Variants in CD226 observed in about 807,000 individuals in gnomAD.
CD226 encodes the protein CD226 antigen.
Under a neutral mutation model 34.9 loss-of-function variants are expected in CD226, and 24 were observed. The observed-to-expected ratio is 0.69, with a 90% confidence interval of 0.50 to 0.97. The LOEUF (loss-of-function observed/expected upper bound fraction) is 0.97, where lower values mean the gene tolerates loss of function less well. CD226 is among the 50% of genes least tolerant of loss of function. The pLI is 0.00. For synonymous variants in CD226, 148 were observed against 147.4 expected (o/e 1.00, Z -0.03); for missense variants, 397 against 412.7 (o/e 0.96, Z 0.33).
intron 2 of CD226, among the ~76,000 whole-genome samples, chr18:69,911,765 G>C (rs983320510): frequency 2.0e-5 from 3 of 151,912 alleles, no homozygotes; most frequent in African/African-American, 7.3e-5. Flanking sequence ...TAAATACTTT[G>C]GTATACATTT....
At position 69,947,045 on chromosome 18, in the gene CD226, T is replaced by G; in HGVS notation, c.71A>C (p.His24Pro). ...YRALCEEVLW[H>P]TSVPFAENMS... ...GTTCTCGGCAAAGGGAACTGATGTA[T>G]GCCAAAGCACCTCTTCACATAGAGC... Residue 24 changes from histidine (H) to proline (P), a missense_variant, in exon 2 of 6, where the codon CAT becomes CCT. By Grantham distance (77) the His-to-Pro change is moderately conservative. Transcript: ENST00000582621. The G allele has an allele frequency of 6.2e-7, 1 of 1,613,996 alleles. No homozygotes were observed. The highest frequency in any genetic ancestry group is 8.5e-7 in the Non-Finnish European group (1 of 1,179,866).
rs551094333 is a variant in CD226 at position 69,860,233 on chromosome 18, G to A, written c.*4081C>T. 2.6e-5 allele frequency: 4 copies of A among 152,198 alleles called. No individual in the cohort carries two copies. The highest frequency in any genetic ancestry group is 2.1e-4 in the South Asian group (1 of 4,822). The allele number at this position is 152,198 out of a possible 1,614,324, so 9.4% of individuals were successfully genotyped here. A position where few individuals can be genotyped will look rare whatever the true frequency, so the allele number is the denominator to read the frequency against. Reference sequence around the variant, plus strand: ...TCCATGGCAAATGAAAGTAGTGATCGTGAAACATTGTGTTTTATTCATTCA... The same window carrying A: ...TCCATGGCAAATGAAAGTAGTGATCATGAAACATTGTGTTTTATTCATTCA... On this transcript the variant is annotated 3_prime_UTR_variant, in exon 6 of 6. Coordinates refer to ENST00000582621, the MANE Select transcript of CD226 (RefSeq NM_001303618.2).
chr18:69,877,074 G>A (rs927233332), intron 3 of CD226, among the ~76,000 whole-genome samples: 11 of 152,046 alleles, frequency 7.2e-5, no homozygotes, highest in African/African-American at 2.7e-4. Context: ...ATGTTAGTCA[G>A]GCTGGTCTCG....
At chr18:69,961,371 A>T (rs2145394984), upstream of CD226, among the ~76,000 whole-genome samples, 1 of 152,352 alleles carries the variant, frequency 6.6e-6, no homozygotes, top group South Asian at 2.1e-4. Context: ...ATACTCTTTT[A>T]CATTATTAAG....
At chr18:69,932,593 C>T (rs894278076) in intron 2 of CD226, among the ~76,000 whole-genome samples, 4 of 152,200 alleles carry the variant, frequency 2.6e-5, no homozygotes, top group Admixed American at 1.3e-4. Flanking sequence ...TCCTGCAATT[C>T]CCAAGCACAC....
In CD226 at chr18:69,867,374, A is replaced by T. The variant is rs1262402202; in HGVS notation, c.868T>A (p.Ser290Thr). The T allele has an allele frequency of 1.3e-6, 2 of 1,597,492 alleles. No individual in the cohort carries two copies. Among genetic ancestry groups the T allele is most frequent in the South Asian group, 2.2e-5 (2 of 90,780 alleles). ...AAACTTACCTTCTGTGTATCCCAGG[A>T]CTCTGTAAATAGATCTCTTCTCTCT... is the stretch of plus-strand genomic sequence containing the variant. ...RRERRDLFTE[S>T]WDTQKAPNNY... Residue 290 changes from serine (S) to threonine (T), a missense_variant, in exon 5 of 6, where the codon TCC becomes ACC. Physicochemically the swap from Ser to Thr is moderately conservative, Grantham distance 58 (BLOSUM62 1). Coordinates refer to ENST00000582621, the MANE Select transcript of CD226 (RefSeq NM_001303618.2).
chr18:69,953,383 C>A (rs1351780779), intron 1 of CD226, among the ~76,000 whole-genome samples: 2 of 152,096 alleles, frequency 1.3e-5, no homozygotes, highest in African/African-American at 4.8e-5. Flanking sequence ...TATTACTCAG[C>A]CATAAAAAGG....
chr18:69,880,805 C>A (rs1312115064), intron 3 of CD226, among the ~76,000 whole-genome samples: 1 of 152,072 alleles, frequency 6.6e-6, no homozygotes, highest in Non-Finnish European at 1.5e-5. Flanking sequence ...GCGCCCGCCA[C>A]AATGCCCAGC....
chr18:69,936,098 T>A (rs1599023462), intron 2 of CD226, among the ~76,000 whole-genome samples: 1 of 152,174 alleles, frequency 6.6e-6, no homozygotes, highest in African/African-American at 2.4e-5. Flanking sequence ...ACGGACAATC[T>A]CAATCCCCAA....
At chr18:69,911,370 T>C (rs910319486) in intron 2 of CD226, among the ~76,000 whole-genome samples, 1 of 152,198 alleles carries the variant, frequency 6.6e-6, no homozygotes, top group African/African-American at 2.4e-5. Context: ...AACTAGAATA[T>C]TGAGCTATTA....
intron 3 of CD226, among the ~76,000 whole-genome samples, chr18:69,875,393 C>G (rs1019290115): frequency 1.3e-5 from 2 of 152,230 alleles, no homozygotes; most frequent in Non-Finnish European, 2.9e-5. Flanking sequence ...CTGCCTTGGC[C>G]TCCCAAAGTG....
upstream of CD226, among the ~76,000 whole-genome samples, chr18:69,951,378 G>A (rs2055852954): frequency 1.3e-5 from 2 of 152,118 alleles, no homozygotes; most frequent in Admixed American, 1.3e-4. Context: ...CAGAAAAACA[G>A]CATGGAATGT....
chr18:69,880,314 G>GAA (rs1368865056), intron 3 of CD226, among the ~76,000 whole-genome samples: 3 of 120,700 alleles, frequency 2.5e-5, no homozygotes, highest in African/African-American at 1.1e-4. Context: ...GAGAAAGAAA[G>GAA]AAAGAAAAAG....
At chr18:69,943,154 T>A (rs1476625366) in intron 2 of CD226, among the ~76,000 whole-genome samples, 1 of 152,182 alleles carries the variant, frequency 6.6e-6, no homozygotes, top group Non-Finnish European at 1.5e-5. Flanking sequence ...TAGTGCTTCA[T>A]AAGGATTAAA....
At chr18:69,897,232 T>G (rs1985351902) in intron 2 of CD226, among the ~76,000 whole-genome samples, 1 of 152,326 alleles carries the variant, frequency 6.6e-6, no homozygotes, top group East Asian at 1.9e-4. Context: ...ACATGACAGA[T>G]ATAGCGTACA....
At chr18:69,872,028 G>A (rs1208317445) in intron 4 of CD226, among the ~76,000 whole-genome samples, 2 of 150,142 alleles carry the variant, frequency 1.3e-5, no homozygotes, top group Admixed American at 6.7e-5. Flanking sequence ...AGACAAGATG[G>A]AGAGACACTG....
At chr18:69,959,963 A>G (rs557628208), upstream of CD226, among the ~76,000 whole-genome samples, 1 of 152,282 alleles carries the variant, frequency 6.6e-6, no homozygotes, top group African/African-American at 2.4e-5. Context: ...AATGCAGGCA[A>G]TGGCTGGGCA....
rs181535493 is a variant in CD226 at position 69,900,454 on chromosome 18, C to T, written c.383-4409G>A. ...AAGTTTTTTTAAAAATTTTTCTGGC[C>T]GGGCGCGGTGGCTCACGCCTGTAAT... is the stretch of plus-strand genomic sequence containing the variant. On this transcript the variant is annotated intron_variant, in intron 2 of 5. Transcript: ENST00000582621. 6.7e-4 allele frequency among the ~76,000 whole-genome samples: 102 copies of T among 152,222 alleles called. 2 individuals carry two copies. The South Asian group carries it at 0.014, about 21-fold the overall frequency.
chr18:69,938,903 T>C (rs2055688072), intron 2 of CD226, among the ~76,000 whole-genome samples: 1 of 152,154 alleles, frequency 6.6e-6, no homozygotes. Context: ...CTGGCCAACA[T>C]GGCAAAACCC....
Sources: gnomAD v4.1 joint callset for allele counts (sites outside exome capture counted in the v4.1 genomes callset) on GRCh38, gnomAD v4.1.1 for gene constraint, MANE v1.5 for transcripts, NCBI Gene and HGNC (gene_info 2026-07-23, HGNC 2026-07-21) for gene names.